The following MROH1 variants were observed in gnomAD, a reference collection of about 807,000 sequenced individuals.
MROH1 encodes maestro heat like repeat family member 1, also known as maestro heat-like repeat-containing protein family member 1.
Under a neutral mutation model 116.5 loss-of-function variants are expected in MROH1, and 117 were observed. That is an observed-to-expected ratio of 1.00 (90% CI 0.86 to 1.17). MROH1 has a LOEUF of 1.17. Among genes scored for constraint, MROH1 ranks in the 50% most tolerant of loss-of-function variants. MROH1 has a pLI of 0.00. For missense variants in MROH1, 1,873 were observed against 1,338.5 expected (o/e 1.40, Z -6.23); for synonymous variants, 921 against 583.9 (o/e 1.58, Z -8.32).
chr8:144,166,743 G>A (rs1820933388), intron 3 of MROH1, among the ~76,000 whole-genome samples: 1 of 152,142 alleles, frequency 6.6e-6, no homozygotes, highest in Admixed American at 6.6e-5. Context: ...GCAAAGCAGT[G>A]AGGAGGTGGG....
chr8:144,221,725 G>C (rs1836783119), intron 13 of MROH1, among the ~76,000 whole-genome samples: 1 of 152,142 alleles, frequency 6.6e-6, no homozygotes, highest in South Asian at 2.1e-4. Flanking sequence ...CACCTGCAAT[G>C]CCAGGTGGCT....
chr8:144,231,019 C>G (rs1838781257), intron 14 of MROH1, among the ~76,000 whole-genome samples: 1 of 139,604 alleles, frequency 7.2e-6, no homozygotes, highest in Non-Finnish European at 1.5e-5. Flanking sequence ...TCTTAACGAG[C>G]ATGCTGCCTT....
rs1391013087 is a variant in MROH1, at chr8:144,255,733, A to AGT, written c.3791+29_3791+30dup. On this transcript the variant is annotated intron_variant, in intron 35 of 43. Coordinates refer to ENST00000326134, the MANE Select transcript of MROH1 (RefSeq NM_032450.3). ...ATCTGGGTCCCCACTTCCCACCTCC[A>AGT]GTACTGATTCGGAAGCACAGGCATG... 4 of 731,538 alleles carry AGT rather than the reference A, an allele frequency of 5.5e-6. No homozygotes were observed. The Admixed American group carries it at 5.7e-5, about 10-fold the overall frequency. 45.3% of individuals were successfully genotyped at this position (731,538 alleles called of 1,614,324 possible).
chr8:144,253,400 G>A (rs1051926185), intron 33 of MROH1, among the ~76,000 whole-genome samples: 12 of 152,210 alleles, frequency 7.9e-5, no homozygotes, highest in Non-Finnish European at 1.2e-4. Flanking sequence ...GCTGCCAGAG[G>A]CCACCCGGCC....
chr8:144,200,674 T>A lies in MROH1; in HGVS notation c.1141+133T>A, dbSNP rs1369474820. 9 of 724,708 alleles carry A rather than the reference T, an allele frequency of 1.2e-5. No homozygotes were observed. In the Admixed American group the frequency reaches 2.3e-4, roughly 19 times the overall value. 44.9% of individuals were successfully genotyped at this position (724,708 alleles called of 1,614,324 possible). ...TCTCTAGAAAGATTTCCCTACTTAC[T>A]ATTTTGCAAAATTCTAAACTTTTTG... On this transcript the variant is annotated intron_variant, in intron 12 of 43. Coordinates refer to ENST00000326134, the MANE Select transcript of MROH1 (RefSeq NM_032450.3).
rs918552851 is a variant in MROH1 at position 144,256,000 on chromosome 8, A to G, written c.3791+295A>G. ...GGCTTCGTGTGGCAGCTCAGGCAGG[A>G]TCCGGGTGGTGCCTTCTCCTGGGAG... is the stretch of plus-strand genomic sequence containing the variant. On this transcript the variant is annotated intron_variant, in intron 35 of 43. Transcript: ENST00000326134. Among the ~76,000 whole-genome samples, 627 of 152,328 alleles carry G rather than the reference A, an allele frequency of 4.1e-3. 3 individuals are homozygous for G. Among genetic ancestry groups the G allele is most frequent in the African/African-American group, 0.014 (581 of 41,568 alleles).
Position 144,242,759 on chromosome 8 carries a change from C to T in MROH1, c.2352+131C>T. On this transcript the variant is annotated intron_variant, in intron 24 of 43. Coordinates refer to ENST00000326134, the MANE Select transcript of MROH1 (RefSeq NM_032450.3). Reference sequence around the variant, plus strand: ...GCTGGGGCTTCCTGGTCTCCGTCCCCAGGAGGCGTTCGAGAGCATCACCAG... The same window carrying T: ...GCTGGGGCTTCCTGGTCTCCGTCCCTAGGAGGCGTTCGAGAGCATCACCAG... The T allele has an allele frequency of 4.4e-6, 3 of 686,962 alleles. No homozygotes were observed. The East Asian group carries it at 8.1e-5, about 19-fold the overall frequency. 42.6% of individuals were successfully genotyped at this position (686,962 alleles called of 1,614,324 possible).
chr8:144,177,825 G>T (rs567482681), intron 4 of MROH1, among the ~76,000 whole-genome samples: 1 of 152,252 alleles, frequency 6.6e-6, no homozygotes, highest in South Asian at 2.1e-4. Context: ...GGCTATGTGA[G>T]ATGTGCCTGC....
intron 36 of MROH1, 106 bp from the exon 37 acceptor site, chr8:144,259,134 C>T (rs1844484024): frequency 5.8e-6 from 4 of 694,286 alleles, no homozygotes; most frequent in African/African-American, 1.8e-5. Context: ...CTCCCAGAAC[C>T]TGGCAGCTGG....
Position 144,248,742 on chromosome 8 carries a change from C to G in MROH1, c.3121-135C>G. On this transcript the variant is annotated intron_variant, in intron 31 of 43. Transcript: ENST00000326134. ...AGCGAGCTCATTGAAGGCGCAGGGCCCAGCGGCTGGGGCCCGGCTGCAAGA... is the reference window on the plus strand; with the variant it reads ...AGCGAGCTCATTGAAGGCGCAGGGCGCAGCGGCTGGGGCCCGGCTGCAAGA... 1.6e-5 allele frequency: 11 copies of G among 692,426 alleles called. No homozygotes were observed. The South Asian group carries it at 1.7e-4, about 11-fold the overall frequency. 42.9% of individuals were successfully genotyped at this position (692,426 alleles called of 1,614,324 possible).
At chr8:144,235,893 C>G (rs1177778874) in intron 14 of MROH1, among the ~76,000 whole-genome samples, 1 of 152,116 alleles carries the variant, frequency 6.6e-6, no homozygotes, top group Non-Finnish European at 1.5e-5. Flanking sequence ...ACATCGTGTC[C>G]CTTTATCACT....
At chr8:144,166,140 A>G (rs974850876) in intron 3 of MROH1, among the ~76,000 whole-genome samples, 1 of 152,140 alleles carries the variant, frequency 6.6e-6, no homozygotes, top group African/African-American at 2.4e-5. Flanking sequence ...TGGTCTCCCA[A>G]AGTGCTAGGA....
intron 12 of MROH1, among the ~76,000 whole-genome samples, chr8:144,207,931 G>GTTTTT (rs952516623): frequency 2.1e-5 from 3 of 142,328 alleles, no homozygotes; most frequent in Non-Finnish European, 4.6e-5. Flanking sequence ...GGCAAGGTGT[G>GTTTTT]TTTTTTTTTA....
At chr8:144,231,663 A>G (rs1838914998) in intron 14 of MROH1, among the ~76,000 whole-genome samples, 1 of 152,168 alleles carries the variant, frequency 6.6e-6, no homozygotes, top group African/African-American at 2.4e-5. Context: ...CTAATCACAA[A>G]TCACCATCAC....
At chr8:144,235,266 T>C (rs1839860518) in intron 14 of MROH1, among the ~76,000 whole-genome samples, 1 of 152,230 alleles carries the variant, frequency 6.6e-6, no homozygotes, top group African/African-American at 2.4e-5. Context: ...ATAGTTTTTA[T>C]TGGATTTCTT....
At chr8:144,156,983 T>A (rs1818311373) in intron 1 of MROH1, among the ~76,000 whole-genome samples, 1 of 150,914 alleles carries the variant, frequency 6.6e-6, no homozygotes, top group African/African-American at 2.4e-5. Flanking sequence ...TTAGACAGAG[T>A]CTCACTGTGT....
Position 144,260,333 on chromosome 8 carries a change from C to T in MROH1, c.4339C>T (p.Leu1447=). The T allele has an allele frequency of 1.4e-6, 1 of 739,532 alleles. No individual in the cohort carries two copies. Among genetic ancestry groups the T allele is most frequent in the Admixed American group, 1.8e-5 (1 of 54,194 alleles). The allele number at this position is 739,532 out of a possible 1,614,324, so 45.8% of individuals were successfully genotyped here. The change falls in exon 39 of 44, where the codon CTG becomes TTG. Residue 1447 remains leucine, a synonymous_variant. Coordinates refer to ENST00000326134, the MANE Select transcript of MROH1 (RefSeq NM_032450.3). ...LVESWDLRSG[L]LHVAIRIRPF... is the part of the protein sequence containing the mutation. ...GGAGTCCTGGGACCTGCGCTCAGGG[C>T]TGCTGCACGTGGCCATCCGCATCCG... is the stretch of plus-strand genomic sequence containing the variant.
intron 26 of MROH1, 132 bp from the exon 27 acceptor site, chr8:144,244,090 A>T: frequency 1.4e-6 from 1 of 700,530 alleles, no homozygotes; most frequent in Non-Finnish European, 2.6e-6. Context: ...CGCATGCTGC[A>T]TGGGGTGCCG....
chr8:144,245,153 C>T lies in MROH1; in HGVS notation c.2767-3C>T, dbSNP rs1841676600. 6.4e-6 allele frequency: 5 copies of T among 779,016 alleles called. No individual in the cohort carries two copies. The Admixed American group carries it at 6.8e-5, about 11-fold the overall frequency. The allele number at this position is 779,016 out of a possible 1,614,324, so 48.3% of individuals were successfully genotyped here. ...GTACCTGTGTGACGCCCCTCTTCCT[C>T]AGCACCTGAGCCCATGGATCAAGTC... On this transcript the variant is annotated splice_region_variant and splice_polypyrimidine_tract_variant and intron_variant, in intron 28 of 43. Coordinates refer to ENST00000326134, the MANE Select transcript of MROH1 (RefSeq NM_032450.3).
Sources: allele counts gnomAD v4.1 joint callset (sites outside exome capture counted in the v4.1 genomes callset), GRCh38; gene constraint gnomAD v4.1.1; transcripts MANE v1.5; gene names NCBI Gene and HGNC (gene_info 2026-07-23, HGNC 2026-07-21).